NFIB: variants seen among roughly 807,000 people sequenced by gnomAD.
The protein encoded by NFIB is nuclear factor I B, also known as nuclear factor 1 B-type.
NFIB carries 11 observed loss-of-function variants against 61.5 expected under a neutral mutation model. That is an observed-to-expected ratio of 0.18 (90% CI 0.11 to 0.30). The LOEUF (loss-of-function observed/expected upper bound fraction) is 0.30, where lower values mean the gene tolerates loss of function less well. Among genes scored for constraint, NFIB ranks in the 10% least tolerant of loss-of-function variants. The pLI is 1.00. For missense variants in NFIB, 471 were observed against 608.9 expected (o/e 0.77, Z 2.38); for synonymous variants, 260 against 216.5 (o/e 1.20, Z -1.76).
intron 6 of NFIB, among the ~76,000 whole-genome samples, chr9:14,140,814 G>A (rs1031238288): frequency 3.9e-5 from 6 of 152,054 alleles, no homozygotes; most frequent in Non-Finnish European, 8.8e-5. Flanking sequence ...AGTGCCTGTA[G>A]TCCCAGCTAC....
chr9:14,299,141 A>G (rs1735226903), intron 2 of NFIB, among the ~76,000 whole-genome samples: 1 of 152,240 alleles, frequency 6.6e-6, no homozygotes, highest in Non-Finnish European at 1.5e-5. Flanking sequence ...ACTCACATGA[A>G]TTACAGAATA....
intron 1 of NFIB, among the ~76,000 whole-genome samples, chr9:14,330,830 A>T (rs1445436889): frequency 1.3e-5 from 2 of 152,104 alleles, no homozygotes; most frequent in Non-Finnish European, 2.9e-5. Flanking sequence ...GTCCATATTC[A>T]ATCAGGCTCC....
At chr9:14,408,730 G>A in the NFIB span, among the ~76,000 whole-genome samples, 1 of 152,250 alleles carries the variant, frequency 6.6e-6, no homozygotes, top group Middle Eastern at 3.4e-3. Context: ...AATTACAATA[G>A]AATCAGAGGG....
chr9:14,514,059 GC>G, the NFIB span, among the ~76,000 whole-genome samples: 1 of 152,076 alleles, frequency 6.6e-6, no homozygotes, highest in Non-Finnish European at 1.5e-5. Context: ...TTATTACATG[GC>G]AGCTAGAGAA....
intron 6 of NFIB, among the ~76,000 whole-genome samples, chr9:14,134,759 T>C (rs1235227070): frequency 1.3e-5 from 2 of 151,676 alleles, no homozygotes; most frequent in East Asian, 1.9e-4. Flanking sequence ...TAGCTGGCCA[T>C]GGTGGCGTGC....
intron 10 of NFIB, among the ~76,000 whole-genome samples, chr9:14,089,651 T>C (rs534883780): frequency 2.0e-5 from 3 of 152,278 alleles, no homozygotes; most frequent in African/African-American, 7.2e-5. Flanking sequence ...AAACATACTT[T>C]CGAGGTTTTA....
Position 14,324,480 on chromosome 9 carries a change from G to A in NFIB, c.109-16960C>T, listed in dbSNP as rs535921647. Among the ~76,000 whole-genome samples, 13 of 152,242 alleles carry A rather than the reference G, an allele frequency of 8.5e-5. No individual in the cohort carries two copies. The South Asian group carries it at 2.7e-3, about 32-fold the overall frequency. The stretch of plus-strand genomic sequence containing the variant: ...CAGAAAGTCTTCTCTGTTATTATTT[G>A]AAGTCCGCAGCAGAATTACCAATCC... On this transcript the variant is annotated intron_variant, in intron 1 of 8. Coordinates refer to the NFIB transcript ENST00000380934.
upstream of NFIB, among the ~76,000 whole-genome samples, chr9:14,400,011 C>A (rs996656828): frequency 2.0e-5 from 3 of 151,776 alleles, no homozygotes; most frequent in Non-Finnish European, 4.4e-5. Flanking sequence ...CTGTAACAAA[C>A]AATACTAGAT....
intron 1 of NFIB, among the ~76,000 whole-genome samples, chr9:14,342,406 G>C (rs543555974): frequency 1.2e-3 from 179 of 152,030 alleles, no homozygotes; most frequent in Non-Finnish European, 2.1e-3. Flanking sequence ...AAGATCAGGG[G>C]AAAAGCCAGT....
chr9:14,099,068 C>A (rs993209776), intron 10 of NFIB, among the ~76,000 whole-genome samples: 9 of 152,036 alleles, frequency 5.9e-5, no homozygotes, highest in African/African-American at 2.2e-4. Context: ...CTCAACAGGG[C>A]AATTAGTATA....
the NFIB span, among the ~76,000 whole-genome samples, chr9:14,463,882 G>A: frequency 2.0e-5 from 3 of 151,952 alleles, no homozygotes; most frequent in East Asian, 1.9e-4. Flanking sequence ...GGATGGCCTC[G>A]ATCTCCTGAC....
chr9:14,089,586 C>A (rs2033523852), intron 10 of NFIB, among the ~76,000 whole-genome samples: 2 of 152,024 alleles, frequency 1.3e-5, no homozygotes, highest in Admixed American at 6.6e-5. Context: ...AATCATGAAC[C>A]AAGAAAACAT....
At chr9:14,235,944 A>G (rs1046176873) in intron 2 of NFIB, among the ~76,000 whole-genome samples, 1 of 152,222 alleles carries the variant, frequency 6.6e-6, no homozygotes, top group Non-Finnish European at 1.5e-5. Context: ...AACTCACAAT[A>G]AAGAATCAAT....
chr9:14,448,498 T>C, the NFIB span, among the ~76,000 whole-genome samples: 16 of 152,250 alleles, frequency 1.1e-4, no homozygotes, highest in Non-Finnish European at 1.8e-4. Flanking sequence ...CTCCAGTGCT[T>C]CCTTTTTCTT....
At chr9:14,494,528 A>T in the NFIB span, among the ~76,000 whole-genome samples, 3 of 152,134 alleles carry the variant, frequency 2.0e-5, no homozygotes, top group Non-Finnish European at 4.4e-5. Context: ...TCTTTTTCGC[A>T]GATCCAGGAA....
At chr9:14,379,519 T>C (rs117757206) in intron 1 of NFIB, among the ~76,000 whole-genome samples, 132 of 152,264 alleles carry the variant, frequency 8.7e-4, no homozygotes, top group African/African-American at 3.0e-3. Context: ...ATAAGAATAA[T>C]GTTTTGTAAA....
In NFIB at chr9:14,167,090, G is replaced by GGT. The variant is rs2044918331; in HGVS notation, c.617-11198_617-11197insAC. ...ATTGTTGTGTGTGTGTGTCGGGGGG[G>GGT]GGGGGTTCCCCTTTTTAACATATTC... On this transcript the variant is annotated intron_variant, in intron 3 of 10. Transcript: ENST00000380953. Among the ~76,000 whole-genome samples the GGT allele has an allele frequency of 1.1e-4, 16 of 149,242 alleles. 1 individual carries two copies. Among genetic ancestry groups the GGT allele is most frequent in the Admixed American group, 3.3e-4 (5 of 14,956 alleles).
intron 2 of NFIB, among the ~76,000 whole-genome samples, chr9:14,256,303 G>A (rs2056214715): frequency 6.6e-6 from 1 of 152,044 alleles, no homozygotes; most frequent in Non-Finnish European, 1.5e-5. Context: ...CATGGTTACA[G>A]GGAAACTATG....
Position 14,313,956 on chromosome 9 carries a change from G to C in NFIB, c.-445C>G. The C allele has an allele frequency of 1.9e-6, 2 of 1,059,790 alleles. No individual in the cohort carries two copies. Among genetic ancestry groups the C allele is most frequent in the Non-Finnish European group, 1.1e-6 (1 of 878,266 alleles). 65.6% of individuals were successfully genotyped at this position (1,059,790 alleles called of 1,614,324 possible). ...TTTTTCAAAAAAGGCGGGGAGGGGG[G>C]CGCGGGAGGGCGCAGGAGGGCGAGC... On this transcript the variant is annotated 5_prime_UTR_variant, in exon 1 of 11. Transcript: ENST00000380953. The surrounding 1 kb of genome is among the most constrained non-coding windows in gnomAD (Gnocchi z 4.5).
Sources: allele counts gnomAD v4.1 joint callset (sites outside exome capture counted in the v4.1 genomes callset), GRCh38; gene constraint gnomAD v4.1.1; non-coding constraint Gnocchi (gnomAD v3.1); transcripts MANE v1.5; gene names NCBI Gene and HGNC (gene_info 2026-07-23, HGNC 2026-07-21).